PLCB1: variants seen among roughly 807,000 people sequenced by gnomAD.
PLCB1 encodes 1-phosphatidylinositol 4,5-bisphosphate phosphodiesterase beta-1.
In PLCB1, 46 loss-of-function variants were observed where a neutral mutation model predicts 161.8. The ratio of observed to expected loss-of-function variants is 0.28; its 90% CI spans 0.22 to 0.36. The LOEUF is 0.36. Among genes scored for constraint, PLCB1 ranks in the 10% least tolerant of loss-of-function variants. The pLI is 1.00. For missense variants in PLCB1, 1,016 were observed against 1,472.5 expected, an observed-to-expected ratio of 0.69 and a Z score of 5.07; for synonymous variants, 517 against 503.7, an observed-to-expected ratio of 1.03 and a Z score of -0.35.
At chr20:8,750,933 CTTTTTT>C (rs769913295) in intron 23 of PLCB1, 45 of 413,534 alleles carry the variant, frequency 1.1e-4, no homozygotes, top group South Asian at 2.7e-4. Context: ...GAACTGCACT[CTTTTTT>C]TTTTTTTTTT....
intron 4 of PLCB1, among the ~76,000 whole-genome samples, chr20:8,643,514 A>G (rs959588952): frequency 1.2e-4 from 19 of 152,102 alleles, no homozygotes; most frequent in African/African-American, 4.3e-4. Flanking sequence ...TCCATCTTGA[A>G]TGTTACTGTA....
chr20:8,720,448 G>A lies in PLCB1; in HGVS notation c.1514-1906G>A, dbSNP rs137857644. Among the ~76,000 whole-genome samples, 1,453 of 152,262 alleles carry A rather than the reference G, an allele frequency of 9.5e-3. 13 individuals are homozygous for A. The highest frequency in any genetic ancestry group is 0.015 in the Non-Finnish European group (1,014 of 68,016). ...GCACCGCTAATTTACCATTTGGTTCGTAGATGTTCACAGTACTGGGAACTC... is the reference window on the plus strand; with the variant it reads ...GCACCGCTAATTTACCATTTGGTTCATAGATGTTCACAGTACTGGGAACTC... On this transcript the variant is annotated intron_variant, in intron 14 of 31. Coordinates refer to ENST00000338037, the MANE Select transcript of PLCB1 (RefSeq NM_015192.4).
In PLCB1 at chr20:8,724,728, T is replaced by C; in HGVS notation, c.1654T>C (p.Phe552Leu). The C allele has an allele frequency of 6.2e-7, 1 of 1,607,656 alleles. No individual in the cohort carries two copies. Among genetic ancestry groups the C allele is most frequent in the Non-Finnish European group, 8.5e-7 (1 of 1,174,746 alleles). Residue 552 changes from phenylalanine (F) to leucine (L), a missense_variant, in exon 16 of 32, where the codon TTT becomes CTT. Physicochemically the swap from Phe to Leu is conservative, Grantham distance 22 (BLOSUM62 0). This residue lies in a region of PLCB1 where 109 missense variants were observed against 129.7 expected (regional missense o/e 0.84). Coordinates refer to ENST00000338037, the MANE Select transcript of PLCB1 (RefSeq NM_015192.4). ...GGTGAACTATATTCAGCCAGTCAAG[T>C]TTGAGTCATTTGAAATTTCAAAAAG... ...NLVNYIQPVK[F>L]ESFEISKKRN...
At chr20:8,575,402 CAG>C (rs1334094757) in intron 3 of PLCB1, among the ~76,000 whole-genome samples, 1 of 152,190 alleles carries the variant, frequency 6.6e-6, no homozygotes, top group Non-Finnish European at 1.5e-5. Context: ...ATTGTGCCCA[CAG>C]AAAATGTCTG....
rs181698276 is a variant in PLCB1 at position 8,716,558 on chromosome 20, C to G, written c.1335+210C>G. 1.2e-3 allele frequency among the ~76,000 whole-genome samples: 181 copies of G among 152,346 alleles called. 1 individual carries two copies. Among genetic ancestry groups the G allele is most frequent in the African/African-American group, 4.0e-3 (166 of 41,580 alleles). Reference sequence around the variant, plus strand: ...TCTTCCTCTTCCCACACTCTTCTCTCTCGCTGGCTGCCTGATGAAACTCAA... The same window carrying G: ...TCTTCCTCTTCCCACACTCTTCTCTGTCGCTGGCTGCCTGATGAAACTCAA... On this transcript the variant is annotated intron_variant, in intron 13 of 31. Transcript: ENST00000338037.
intron 3 of PLCB1, among the ~76,000 whole-genome samples, chr20:8,621,157 A>G (rs967877037): frequency 6.6e-6 from 1 of 152,198 alleles, no homozygotes; most frequent in African/African-American, 2.4e-5. Flanking sequence ...AGGGGAATAT[A>G]ATGCTTTTCA....
intron 23 of PLCB1, among the ~76,000 whole-genome samples, chr20:8,744,306 T>C (rs1162969734): frequency 6.6e-6 from 1 of 152,208 alleles, no homozygotes; most frequent in African/African-American, 2.4e-5. Flanking sequence ...TTTTAGATTA[T>C]CAACTTTAAC....
At chr20:8,239,687 C>A (rs957125558) in intron 2 of PLCB1, among the ~76,000 whole-genome samples, 11 of 151,720 alleles carry the variant, frequency 7.3e-5, no homozygotes, top group East Asian at 5.8e-4. Context: ...TTGGTTAACA[C>A]TTAGGAAAGA....
At chr20:8,480,056 G>C (rs1016918835) in intron 3 of PLCB1, among the ~76,000 whole-genome samples, 1 of 152,224 alleles carries the variant, frequency 6.6e-6, no homozygotes, top group Non-Finnish European at 1.5e-5. Context: ...GGAGAAATTG[G>C]CTAGGCCAGG....
intron 2 of PLCB1, among the ~76,000 whole-genome samples, chr20:8,240,060 T>C (rs1980520635): frequency 6.6e-6 from 1 of 151,956 alleles, no homozygotes; most frequent in African/African-American, 2.4e-5. Context: ...CTATTAAACA[T>C]AGAACTGGGA....
chr20:8,687,448 C>T, intron 10 of PLCB1, among the ~76,000 whole-genome samples: 1 of 152,124 alleles, frequency 6.6e-6, no homozygotes, highest in Non-Finnish European at 1.5e-5. Context: ...ACCCATCACC[C>T]GAGCAGTATA....
intron 7 of PLCB1, chr20:8,651,907 G>C (rs1024030701): frequency 5.9e-6 from 1 of 169,594 alleles, no homozygotes; most frequent in Non-Finnish European, 1.3e-5. Context: ...GAAAACATGA[G>C]AGATGGATTT....
chr20:8,367,091 A>C (rs1986733861), intron 2 of PLCB1, among the ~76,000 whole-genome samples: 1 of 152,192 alleles, frequency 6.6e-6, no homozygotes, highest in Non-Finnish European at 1.5e-5. Flanking sequence ...ATAGCAGTCG[A>C]TGGCATTTGT....
intron 2 of PLCB1, among the ~76,000 whole-genome samples, chr20:8,351,969 T>C (rs1568642809): frequency 6.6e-6 from 1 of 152,090 alleles, no homozygotes; most frequent in Non-Finnish European, 1.5e-5. Flanking sequence ...TACCACATGA[T>C]CTAGCAATTG....
intron 2 of PLCB1, among the ~76,000 whole-genome samples, chr20:8,280,391 G>A (rs1389712478): frequency 6.6e-6 from 1 of 151,916 alleles, no homozygotes; most frequent in Admixed American, 6.6e-5. Flanking sequence ...ATGTGTTGAG[G>A]TTGGTAATAC....
chr20:8,179,523 A>G (rs1329226509), intron 2 of PLCB1, among the ~76,000 whole-genome samples: 1 of 152,200 alleles, frequency 6.6e-6, no homozygotes, highest in African/African-American at 2.4e-5. Context: ...TATTAGATCA[A>G]GGAGCTTTTG....
At chr20:8,775,073 CTTTTTTTTT>C (rs71184112) in intron 27 of PLCB1, among the ~76,000 whole-genome samples, 13 of 123,916 alleles carry the variant, frequency 1.0e-4, no homozygotes, top group African/African-American at 2.2e-4. Context: ...CAAATTTTCC[CTTTTTTTTT>C]TTTTTTTTTT....
At chr20:8,798,763 A>G (rs540884725) in intron 31 of PLCB1, among the ~76,000 whole-genome samples, 1 of 152,210 alleles carries the variant, frequency 6.6e-6, no homozygotes, top group African/African-American at 2.4e-5. Context: ...TCCAATTCTC[A>G]GAAGAATCTC....
chr20:8,536,655 C>G (rs1985062445), intron 3 of PLCB1, among the ~76,000 whole-genome samples: 1 of 152,138 alleles, frequency 6.6e-6, no homozygotes, highest in Non-Finnish European at 1.5e-5. Flanking sequence ...CTCCTGACAG[C>G]AGAGTAGCCA....
Sources: allele counts gnomAD v4.1 joint callset (sites outside exome capture counted in the v4.1 genomes callset), GRCh38; gene constraint gnomAD v4.1.1; regional missense constraint gnomAD v4.1.1; transcripts MANE v1.5; gene names NCBI Gene and HGNC (gene_info 2026-07-23, HGNC 2026-07-21).